Variants in CHST11 observed in about 807,000 individuals in gnomAD.
The protein encoded by CHST11 is carbohydrate sulfotransferase 11, also known as C4S-1.
CHST11 carries 9 observed loss-of-function variants against 30.4 expected under a neutral mutation model. That is an observed-to-expected ratio of 0.30 (90% confidence interval 0.18 to 0.52). The LOEUF (loss-of-function observed/expected upper bound fraction) is 0.52, where lower values mean the gene tolerates loss of function less well. Among genes scored for constraint, CHST11 ranks in the 20% least tolerant of loss-of-function variants. The pLI is 0.97. For missense variants in CHST11, 348 were observed against 460.6 expected, an observed-to-expected ratio of 0.76 and a Z score of 2.24; for synonymous variants, 152 against 187.8, an observed-to-expected ratio of 0.81 and a Z score of 1.56.
chr12:104,564,981 A>G (rs2038547927), intron 1 of CHST11, among the ~76,000 whole-genome samples: 1 of 151,780 alleles, frequency 6.6e-6, no homozygotes, highest in Admixed American at 6.6e-5. Context: ...CCTTGATTCA[A>G]TTACATCCCA....
At chr12:104,696,983 A>G (rs903920307) in intron 2 of CHST11, among the ~76,000 whole-genome samples, 2 of 152,208 alleles carry the variant, frequency 1.3e-5, no homozygotes, top group Admixed American at 6.5e-5. Flanking sequence ...ATGTTCCATC[A>G]TATGATTATA....
chr12:104,692,619 G>C (rs312146), intron 2 of CHST11, among the ~76,000 whole-genome samples: 2 of 151,880 alleles, frequency 1.3e-5, no homozygotes, highest in Non-Finnish European at 2.9e-5. Context: ...CCACAGACCC[G>C]TACCAGTCCC....
chr12:104,644,427 C>T (rs2039407073), intron 2 of CHST11, among the ~76,000 whole-genome samples: 1 of 152,210 alleles, frequency 6.6e-6, no homozygotes, highest in Non-Finnish European at 1.5e-5. Context: ...TGTTTCCTGC[C>T]TTCAGTGTCT....
intron 2 of CHST11, among the ~76,000 whole-genome samples, chr12:104,654,188 C>T (rs553942888): frequency 3.3e-5 from 5 of 152,230 alleles, no homozygotes; most frequent in Admixed American, 6.5e-5. Flanking sequence ...CCAGGGAAGT[C>T]GGGGGAGGGA....
Position 104,757,206 on chromosome 12 carries a change from G to A in CHST11, c.462G>A (p.Glu154=), listed in dbSNP as rs377125612. 79 of 1,613,988 alleles carry A rather than the reference G, an allele frequency of 4.9e-5. No homozygotes were observed. Among genetic ancestry groups the A allele is most frequent in the Admixed American group, 1.5e-4 (9 of 60,000 alleles). Residue 154 remains glutamate (E), a synonymous_variant, in exon 3 of 3, where the codon GAG becomes GAA. Transcript: ENST00000303694. The surrounding 1 kb of genome is among the most constrained non-coding windows in gnomAD (Gnocchi z 6.5). ...ACCCCATGGAGATCCCGGCCAACGA[G>A]GCACACGTCTCCGCCAACCTGAAGA... ...YSDPMEIPAN[E]AHVSANLKTL... is the part of the protein sequence containing the mutation.
At chr12:104,749,780 G>A (rs1239778977) in intron 2 of CHST11, among the ~76,000 whole-genome samples, 2 of 152,152 alleles carry the variant, frequency 1.3e-5, no homozygotes, top group Non-Finnish European at 2.9e-5. Flanking sequence ...GTGGAGCCAG[G>A]CTGTCATCAG....
chr12:104,641,402 C>T (rs1307660149), intron 2 of CHST11, among the ~76,000 whole-genome samples: 1 of 152,174 alleles, frequency 6.6e-6, no homozygotes, highest in East Asian at 1.9e-4. Context: ...CCCCTAGATG[C>T]TGCCACAGGG....
intron 1 of CHST11, among the ~76,000 whole-genome samples, chr12:104,585,755 A>AGAGGT (rs1470021340): frequency 2.6e-5 from 4 of 152,244 alleles, no homozygotes; most frequent in African/African-American, 9.6e-5. Context: ...AAGGGAGACC[A>AGAGGT]GAGGTCCAAA....
intron 2 of CHST11, among the ~76,000 whole-genome samples, chr12:104,755,874 C>A (rs1016169258): frequency 1.3e-5 from 2 of 151,468 alleles, no homozygotes; most frequent in African/African-American, 4.9e-5. Flanking sequence ...GGAACGCTTG[C>A]GGCAAAGAGG....
intron 2 of CHST11, among the ~76,000 whole-genome samples, chr12:104,624,905 G>A (rs922670674): frequency 6.6e-6 from 1 of 152,146 alleles, no homozygotes; most frequent in African/African-American, 2.4e-5. Flanking sequence ...GTCTTTCCAC[G>A]GTGCCCGTGC....
At chr12:104,482,810 G>T (rs547479987) in intron 1 of CHST11, among the ~76,000 whole-genome samples, 2 of 152,088 alleles carry the variant, frequency 1.3e-5, no homozygotes, top group Non-Finnish European at 2.9e-5. Flanking sequence ...TCCAGAGTCT[G>T]TGCATCCCCC....
intron 2 of CHST11, among the ~76,000 whole-genome samples, chr12:104,737,161 C>T (rs1427728005): frequency 6.6e-6 from 1 of 152,258 alleles, no homozygotes; most frequent in Non-Finnish European, 1.5e-5. Context: ...GTTCAATAAT[C>T]ATTGCCCAAG....
intron 1 of CHST11, among the ~76,000 whole-genome samples, chr12:104,546,932 T>C (rs777383102): frequency 6.6e-6 from 1 of 152,174 alleles, no homozygotes; most frequent in Non-Finnish European, 1.5e-5. Context: ...ACTAGTGAAG[T>C]GGTACTGAGA....
At chr12:104,709,570 C>T (rs957291601) in intron 2 of CHST11, among the ~76,000 whole-genome samples, 5 of 152,174 alleles carry the variant, frequency 3.3e-5, no homozygotes, top group Non-Finnish European at 4.4e-5. Context: ...TTACCACCTT[C>T]CTTTGAGGCA....
At chr12:104,479,499 T>C (rs1014306960) in intron 1 of CHST11, among the ~76,000 whole-genome samples, 1 of 152,144 alleles carries the variant, frequency 6.6e-6, no homozygotes. Context: ...GCAAATCTCA[T>C]TGGTGTGGCC....
At chr12:104,581,390 C>T (rs1228715904) in intron 1 of CHST11, among the ~76,000 whole-genome samples, 1 of 152,148 alleles carries the variant, frequency 6.6e-6, no homozygotes, top group Non-Finnish European at 1.5e-5. Context: ...GCTGTGTCAA[C>T]TGTTTAACAA....
intron 1 of CHST11, among the ~76,000 whole-genome samples, chr12:104,488,881 T>A (rs189267842): frequency 6.6e-6 from 1 of 152,176 alleles, no homozygotes; most frequent in East Asian, 1.9e-4. Flanking sequence ...AGGCCGGAAG[T>A]CCAGGATCAA....
At chr12:104,482,881 G>A (rs532883860) in intron 1 of CHST11, among the ~76,000 whole-genome samples, 11 of 152,196 alleles carry the variant, frequency 7.2e-5, no homozygotes, top group African/African-American at 2.4e-4. Flanking sequence ...GTGGCTTCAC[G>A]TCTGAAGTCT....
intron 1 of CHST11, among the ~76,000 whole-genome samples, chr12:104,460,666 A>G (rs1342894104): frequency 1.2e-5 from 1 of 80,422 alleles, no homozygotes; most frequent in African/African-American, 6.1e-5. Context: ...TGTGTCTCAA[A>G]AAAAAAAAAA....
Sources: allele counts gnomAD v4.1 joint callset (sites outside exome capture counted in the v4.1 genomes callset), GRCh38; gene constraint gnomAD v4.1.1; non-coding constraint Gnocchi (gnomAD v3.1); transcripts MANE v1.5; gene names NCBI Gene and HGNC (gene_info 2026-07-23, HGNC 2026-07-21).